GRB10: variants seen among roughly 807,000 people sequenced by gnomAD.
GRB10 encodes growth factor receptor-bound protein 10.
GRB10 carries 20 observed loss-of-function variants against 80.9 expected under a neutral mutation model. The observed-to-expected ratio is 0.25, with a 90% CI of 0.17 to 0.36. GRB10 has a LOEUF of 0.36. Ranked by LOEUF, GRB10 falls within the 10% of genes least tolerant of loss-of-function variation. GRB10 has a pLI of 1.00. For missense variants in GRB10, 548 were observed against 747.7 expected, an observed-to-expected ratio of 0.73 and a Z score of 3.12; for synonymous variants, 291 against 291.5, an observed-to-expected ratio of 1.00 and a Z score of 0.02.
At chr7:50,733,420 T>C (rs6967612) in intron 3 of GRB10, among the ~76,000 whole-genome samples, 86,246 of 152,030 alleles carry the variant, frequency 0.57, 26,873 homozygotes, top group Middle Eastern at 0.81. Flanking sequence ...TAGGGAATTC[T>C]CATCACAGCT....
chr7:50,675,413 A>G (rs1208823610), intron 5 of GRB10, among the ~76,000 whole-genome samples: 3 of 152,256 alleles, frequency 2.0e-5, no homozygotes, highest in Admixed American at 2.0e-4. Flanking sequence ...TTATGTGCCA[A>G]CTTGGCTGGG....
intron 2 of GRB10, among the ~76,000 whole-genome samples, chr7:50,776,380 T>TG (rs537319641): frequency 2.9e-5 from 3 of 101,830 alleles, no homozygotes; most frequent in African/African-American, 7.5e-5. Context: ...ACTCCGCTAA[T>TG]TTTTTTTTTT....
chr7:50,648,275 C>T (rs1211631775), intron 7 of GRB10, among the ~76,000 whole-genome samples: 1 of 152,104 alleles, frequency 6.6e-6, no homozygotes, highest in African/African-American at 2.4e-5. Context: ...GACAGGAGCC[C>T]TCATGCTGCT....
Position 50,592,885 on chromosome 7 carries a change from A to G in GRB10, c.*67T>C. 6.4e-7 allele frequency: 1 copy of G among 1,566,140 alleles called. No individual in the cohort carries two copies. The highest frequency in any genetic ancestry group is 1.9e-4 in the Middle Eastern group (1 of 5,282). On this transcript the variant is annotated 3_prime_UTR_variant, in exon 19 of 19. Coordinates refer to ENST00000401949, the MANE Select transcript of GRB10 (RefSeq NM_001350814.2). ...CAGAATCGATGTGTGTTCTTCACCA[A>G]CGCACAGACCGCTTCTTCACTCCAG...
intron 7 of GRB10, among the ~76,000 whole-genome samples, chr7:50,627,970 C>G (rs892148861): frequency 6.6e-6 from 1 of 152,200 alleles, no homozygotes; most frequent in African/African-American, 2.4e-5. Flanking sequence ...CACCGGCTCC[C>G]TTAGGGAGTG....
In GRB10 at chr7:50,685,194, C is replaced by T. The variant is rs73346887; in HGVS notation, c.140-10536G>A. 2.9e-3 allele frequency among the ~76,000 whole-genome samples: 436 copies of T among 152,336 alleles called. 3 individuals carry two copies. Among genetic ancestry groups the T allele is most frequent in the African/African-American group, 9.9e-3 (413 of 41,568 alleles). On this transcript the variant is annotated intron_variant, in intron 5 of 18. Transcript: ENST00000401949. ...TCAACAAATATTTGCTGAACACTAACTACATCACTTCAGGTATTGGAAATA... is the reference window on the plus strand; with the variant it reads ...TCAACAAATATTTGCTGAACACTAATTACATCACTTCAGGTATTGGAAATA...
At chr7:50,774,074 A>G (rs1262961105) in intron 2 of GRB10, among the ~76,000 whole-genome samples, 3 of 152,266 alleles carry the variant, frequency 2.0e-5, no homozygotes, top group African/African-American at 7.2e-5. Context: ...TTAACCATGA[A>G]AACATTATGC....
At chr7:50,702,725 C>A (rs973947672) in intron 5 of GRB10, among the ~76,000 whole-genome samples, 19 of 152,182 alleles carry the variant, frequency 1.2e-4, no homozygotes, top group African/African-American at 4.1e-4. Flanking sequence ...ATGTGCTCCA[C>A]GTTCTGTGCT....
intron 2 of GRB10, among the ~76,000 whole-genome samples, chr7:50,763,949 A>G (rs1414403618): frequency 6.6e-6 from 1 of 152,222 alleles, no homozygotes; most frequent in Non-Finnish European, 1.5e-5. Flanking sequence ...TCTCAGCGAC[A>G]GCTGCCAGGC....
chr7:50,628,087 AC>A (rs2053304918), intron 7 of GRB10, among the ~76,000 whole-genome samples: 1 of 152,170 alleles, frequency 6.6e-6, no homozygotes, highest in African/African-American at 2.4e-5. Flanking sequence ...CCGCAACAAC[AC>A]AACTCTCACA....
chr7:50,690,147 T>C (rs1483163089), intron 5 of GRB10, among the ~76,000 whole-genome samples: 4 of 151,898 alleles, frequency 2.6e-5, no homozygotes, highest in Non-Finnish European at 5.9e-5. Flanking sequence ...AAGTACAAAA[T>C]TAGCTGGGCG....
At chr7:50,740,161 C>T (rs1270887507) in intron 3 of GRB10, among the ~76,000 whole-genome samples, 1 of 152,234 alleles carries the variant, frequency 6.6e-6, no homozygotes, top group Non-Finnish European at 1.5e-5. Flanking sequence ...AATTTCTCCT[C>T]TCTCCCCCAG....
intron 7 of GRB10, among the ~76,000 whole-genome samples, chr7:50,634,221 C>G (rs1452698720): frequency 6.6e-6 from 1 of 152,130 alleles, no homozygotes; most frequent in Non-Finnish European, 1.5e-5. Context: ...TCAGAAGAGA[C>G]TGGGGGTCTA....
At chr7:50,773,312 T>C (rs192680607) in intron 2 of GRB10, among the ~76,000 whole-genome samples, 4 of 146,634 alleles carry the variant, frequency 2.7e-5, no homozygotes, top group Admixed American at 1.4e-4. Flanking sequence ...TAACACCTAT[T>C]AGGACAGCTA....
At chr7:50,672,410 A>G (rs1034190407) in intron 6 of GRB10, among the ~76,000 whole-genome samples, 1 of 152,198 alleles carries the variant, frequency 6.6e-6, no homozygotes, top group African/African-American at 2.4e-5. Flanking sequence ...CACAGTAAGC[A>G]CTCAGCAAAT....
intron 5 of GRB10, among the ~76,000 whole-genome samples, chr7:50,678,202 T>A (rs1460855182): frequency 8.5e-5 from 13 of 152,236 alleles, no homozygotes; most frequent in Non-Finnish European, 1.6e-4. Context: ...CTGTCATTAT[T>A]CAAAGTAAAT....
At chr7:50,669,889 TA>T in intron 6 of GRB10, 26 bp from the exon 7 acceptor site, 1 of 1,595,070 alleles carries the variant, frequency 6.3e-7, no homozygotes, top group Non-Finnish European at 8.5e-7. Context: ...AAGTGCCTGT[TA>T]AAAGCTGCCA....
At chr7:50,615,266 GT>G (rs1463227559) in intron 11 of GRB10, among the ~76,000 whole-genome samples, 2 of 152,172 alleles carry the variant, frequency 1.3e-5, no homozygotes, top group East Asian at 3.9e-4. Context: ...CGTACTTTGG[GT>G]TTTCCCACTG....
At chr7:50,746,190 A>G (rs916503850) in intron 3 of GRB10, among the ~76,000 whole-genome samples, 3 of 152,238 alleles carry the variant, frequency 2.0e-5, no homozygotes, top group Admixed American at 6.5e-5. Flanking sequence ...ATGAGGATGT[A>G]AACCCATTTT....
Sources: allele counts gnomAD v4.1 joint callset (sites outside exome capture counted in the v4.1 genomes callset), GRCh38; gene constraint gnomAD v4.1.1; transcripts MANE v1.5; gene names NCBI Gene and HGNC (gene_info 2026-07-23, HGNC 2026-07-21).